The following MBD5 variants were observed in gnomAD, a reference collection of about 807,000 sequenced individuals.
MBD5 encodes methyl-CpG binding domain protein 5, also known as methyl-CpG-binding domain protein 5.
MBD5 carries 13 observed loss-of-function variants against 117.3 expected under a neutral mutation model. The observed-to-expected ratio is 0.11, with a 90% CI of 0.07 to 0.18. The LOEUF (loss-of-function observed/expected upper bound fraction) is 0.18, where lower values mean the gene tolerates loss of function less well. MBD5 is among the 10% of genes least tolerant of loss of function. MBD5 has a pLI of 1.00. For missense variants in MBD5, 1,879 were observed against 2,093.8 expected (o/e 0.90, Z 2.00); for synonymous variants, 727 against 766.4 (o/e 0.95, Z 0.85).
At chr2:148,341,094 A>G (rs1237862792) in intron 3 of MBD5, among the ~76,000 whole-genome samples, 2 of 151,984 alleles carry the variant, frequency 1.3e-5, no homozygotes, top group African/African-American at 4.8e-5. Flanking sequence ...CTGTATAGCT[A>G]CAATCTGTGT....
chr2:148,251,320 T>C (rs79481833), intron 3 of MBD5, among the ~76,000 whole-genome samples: 19,150 of 152,220 alleles, frequency 0.13, 1,457 homozygotes, highest in Non-Finnish European at 0.18. Context: ...TTTATTTCAC[T>C]GATTTTTTTC....
chr2:148,034,552 A>G (rs1694134073), intron 1 of MBD5, among the ~76,000 whole-genome samples: 1 of 152,218 alleles, frequency 6.6e-6, no homozygotes, highest in Non-Finnish European at 1.5e-5. Context: ...AATAATGGTC[A>G]CTAACATTTA....
At chr2:148,471,903 A>G (rs566980311) in intron 8 of MBD5, 1 of 152,212 alleles carries the variant, frequency 6.6e-6, no homozygotes, top group South Asian at 2.1e-4. Flanking sequence ...ATTTTATTTT[A>G]TCTATTTAGC....
chr2:148,349,867 T>C (rs1255895329), intron 4 of MBD5, among the ~76,000 whole-genome samples: 2 of 152,062 alleles, frequency 1.3e-5, no homozygotes, highest in Non-Finnish European at 2.9e-5. Context: ...TCAGTAGTGA[T>C]TTTGGGGTTA....
Position 148,458,880 on chromosome 2 carries a change from T to G in MBD5, c.113+9T>G, listed in dbSNP as rs1313785203. Reference sequence around the variant, plus strand: ...GGAGTGCTTTATGTCAGGTAAGTTCTTATTATTACCTGTGGTACCTGCAAA... The same window carrying G: ...GGAGTGCTTTATGTCAGGTAAGTTCGTATTATTACCTGTGGTACCTGCAAA... On this transcript the variant is annotated intron_variant, in intron 5 of 13. Coordinates refer to ENST00000642680, the MANE Select transcript of MBD5 (RefSeq NM_001378120.1). 2 of 1,601,480 alleles carry G rather than the reference T, an allele frequency of 1.2e-6. No homozygotes were observed. Among genetic ancestry groups the G allele is most frequent in the Admixed American group, 1.7e-5 (1 of 59,894 alleles).
At chr2:148,312,824 T>C (rs193031506) in intron 3 of MBD5, among the ~76,000 whole-genome samples, 88 of 152,304 alleles carry the variant, frequency 5.8e-4, no homozygotes, top group Non-Finnish European at 9.1e-4. Context: ...GACCTTCAAA[T>C]GGGGTTTCTG....
intron 4 of MBD5, among the ~76,000 whole-genome samples, chr2:148,402,035 A>G (rs1037446273): frequency 6.6e-6 from 1 of 152,056 alleles, no homozygotes; most frequent in Non-Finnish European, 1.5e-5. Flanking sequence ...GGTGCTTTAT[A>G]GTAGGGTCAC....
At chr2:148,235,375 C>T (rs1483041954) in intron 3 of MBD5, among the ~76,000 whole-genome samples, 1 of 152,158 alleles carries the variant, frequency 6.6e-6, no homozygotes, top group Non-Finnish European at 1.5e-5. Context: ...CTTTAACCAT[C>T]AGACTGTATC....
rs1444339332 is a variant in MBD5 at position 148,432,278 on chromosome 2, A to T, written c.-556-25925A>T. ...ATTCTGGATATTAGACCCTTGTCAG[A>T]TGCATAGTTTGCAAATACTTTCTCC... On this transcript the variant is annotated intron_variant, in intron 4 of 13. Transcript: ENST00000642680. Among the ~76,000 whole-genome samples, 6 of 152,090 alleles carry T rather than the reference A, an allele frequency of 3.9e-5. No homozygotes were observed. In the South Asian group the frequency reaches 1.0e-3, roughly 26 times the overall value.
At chr2:148,145,232 T>C (rs1268774507) in intron 1 of MBD5, among the ~76,000 whole-genome samples, 1 of 152,210 alleles carries the variant, frequency 6.6e-6, no homozygotes, top group Non-Finnish European at 1.5e-5. Flanking sequence ...AGTTCCCTCA[T>C]GTTTTGGCTC....
chr2:148,509,913 T>G, intron 12 of MBD5, 147 bp from the exon 13 acceptor site: 1 of 681,080 alleles, frequency 1.5e-6, no homozygotes, highest in Non-Finnish European at 2.7e-6. Flanking sequence ...AATCCCAGAG[T>G]GATGTTTTGT....
chr2:148,498,379 TG>T (rs1681766828), intron 11 of MBD5, among the ~76,000 whole-genome samples: 1 of 152,228 alleles, frequency 6.6e-6, no homozygotes, highest in African/African-American at 2.4e-5. Context: ...GTTTGGTTTT[TG>T]TTTTGTTTTT....
intron 1 of MBD5, among the ~76,000 whole-genome samples, chr2:148,160,600 C>T (rs1697985592): frequency 6.6e-6 from 1 of 152,044 alleles, no homozygotes; most frequent in Admixed American, 6.5e-5. Context: ...ATGAGGGAAA[C>T]TGTTGAGTAG....
At chr2:148,266,509 A>G (rs1700864456) in intron 3 of MBD5, among the ~76,000 whole-genome samples, 2 of 152,108 alleles carry the variant, frequency 1.3e-5, no homozygotes, top group Admixed American at 6.6e-5. Flanking sequence ...TGTCAACATT[A>G]TACTAGAAGT....
At position 148,483,160 on chromosome 2, in the gene MBD5, G is replaced by T; in HGVS notation, c.2569G>T (p.Ala857Ser). Residue 857 changes from alanine to serine, a missense_variant, in exon 9 of 14, where the codon GCC becomes TCC. This residue lies in a region of MBD5 where 1,666 missense variants were observed against 1,792.2 expected (regional missense o/e 0.93). Transcript: ENST00000642680. The stretch of plus-strand genomic sequence containing the variant: ...AGCCATAGCGGGCACCAACCACCCT[G>T]CCATCACAAAGACAACATCTGTTCT... ...SIAIAGTNHP[A>S]ITKTTSVLQD... 1 of 1,612,770 alleles carries T rather than the reference G, an allele frequency of 6.2e-7. No homozygotes were observed.
chr2:148,065,386 G>A (rs1695160052), intron 1 of MBD5, among the ~76,000 whole-genome samples: 1 of 152,112 alleles, frequency 6.6e-6, no homozygotes, highest in Non-Finnish European at 1.5e-5. Context: ...AGACCTGTGT[G>A]AACCATAGGT....
At chr2:148,295,704 T>G (rs757122835) in intron 3 of MBD5, 1 of 153,612 alleles carries the variant, frequency 6.5e-6, no homozygotes, top group African/African-American at 2.4e-5. Context: ...GATTCTTAAC[T>G]ATTACAATAT....
chr2:148,503,463 A>C (rs1681933013), intron 12 of MBD5, among the ~76,000 whole-genome samples: 2 of 152,212 alleles, frequency 1.3e-5, no homozygotes, highest in African/African-American at 4.8e-5. Flanking sequence ...GGCTTATATA[A>C]TGATATCAGT....
intron 1 of MBD5, among the ~76,000 whole-genome samples, chr2:148,064,546 TA>T (rs1449857830): frequency 6.6e-6 from 1 of 152,160 alleles, no homozygotes; most frequent in Non-Finnish European, 1.5e-5. Flanking sequence ...ACCCCTTGAA[TA>T]CTCTAATTTG....
Sources: allele counts gnomAD v4.1 joint callset (sites outside exome capture counted in the v4.1 genomes callset), GRCh38; gene constraint gnomAD v4.1.1; regional missense constraint gnomAD v4.1.1; transcripts MANE v1.5; gene names NCBI Gene and HGNC (gene_info 2026-07-23, HGNC 2026-07-21).